The following BMAL1 variants were observed in gnomAD, a reference collection of about 807,000 sequenced individuals.
BMAL1 encodes the protein basic helix-loop-helix ARNT like 1.
At chr11:13,351,246 T>G in the BMAL1 span, among the ~76,000 whole-genome samples, 5 of 152,170 alleles carry the variant, frequency 3.3e-5, no homozygotes, top group Non-Finnish European at 7.4e-5. Flanking sequence ...CATTTGCTGT[T>G]TTTGGAATGT....
chr11:13,346,382 G>A, the BMAL1 span, among the ~76,000 whole-genome samples: 1 of 152,200 alleles, frequency 6.6e-6, no homozygotes, highest in African/African-American at 2.4e-5. Flanking sequence ...AGGGAAAGGA[G>A]AGAGTCACTT....
At chr11:13,348,859 A>G in the BMAL1 span, among the ~76,000 whole-genome samples, 2 of 152,182 alleles carry the variant, frequency 1.3e-5, no homozygotes, top group African/African-American at 2.4e-5. Context: ...AGATCTCTAT[A>G]GCGATCGAGG....
the BMAL1 span, among the ~76,000 whole-genome samples, chr11:13,298,848 C>G: frequency 6.6e-6 from 1 of 152,162 alleles, no homozygotes; most frequent in South Asian, 2.1e-4. Flanking sequence ...CTCTGTGTTC[C>G]CCTTCATTTT....
At chr11:13,355,302 T>C in the BMAL1 span, 3 of 1,613,736 alleles carry the variant, frequency 1.9e-6, no homozygotes, top group Non-Finnish European at 2.5e-6. Flanking sequence ...AATATGTAAG[T>C]TATCCCAGAT....
the BMAL1 span, among the ~76,000 whole-genome samples, chr11:13,345,932 A>G: frequency 6.6e-6 from 1 of 152,138 alleles, no homozygotes; most frequent in South Asian, 2.1e-4. Flanking sequence ...TAGGGGACCA[A>G]CCATCCCGGT....
chr11:13,307,961 C>T, the BMAL1 span, among the ~76,000 whole-genome samples: 1 of 152,066 alleles, frequency 6.6e-6, no homozygotes, highest in South Asian at 2.1e-4. Context: ...CACCAGATTT[C>T]CTCCTCTGTT....
chr11:13,342,153 G>T, the BMAL1 span, among the ~76,000 whole-genome samples: 5 of 152,350 alleles, frequency 3.3e-5, no homozygotes, highest in East Asian at 9.6e-4. Flanking sequence ...CATCTCTGGG[G>T]TCTAGGCTGG....
chr11:13,297,750 C>T, the BMAL1 span, among the ~76,000 whole-genome samples: 2 of 152,232 alleles, frequency 1.3e-5, no homozygotes, highest in East Asian at 1.9e-4. Flanking sequence ...GCTTTCCATC[C>T]TAGCTGAGTG....
chr11:13,350,800 A>G, the BMAL1 span, among the ~76,000 whole-genome samples: 1 of 152,242 alleles, frequency 6.6e-6, no homozygotes, highest in Non-Finnish European at 1.5e-5. Flanking sequence ...TGGGTAAGAA[A>G]AGACTTAAAA....
chr11:13,339,179 T>G, the BMAL1 span, among the ~76,000 whole-genome samples: 1 of 152,210 alleles, frequency 6.6e-6, no homozygotes, highest in Non-Finnish European at 1.5e-5. Flanking sequence ...ACCCATTGGC[T>G]TTTCCTTTAG....
chr11:13,321,303 A>G, the BMAL1 span, among the ~76,000 whole-genome samples: 1 of 152,222 alleles, frequency 6.6e-6, no homozygotes, highest in Admixed American at 6.5e-5. Flanking sequence ...CAAACTACCA[A>G]CCATTTGATG....
At chr11:13,341,231 C>T in the BMAL1 span, among the ~76,000 whole-genome samples, 1 of 152,188 alleles carries the variant, frequency 6.6e-6, no homozygotes, top group East Asian at 1.9e-4. Context: ...CCTGGCCTTG[C>T]CAGGAGGCTC....
At chr11:13,321,258 T>C in the BMAL1 span, among the ~76,000 whole-genome samples, 1 of 152,124 alleles carries the variant, frequency 6.6e-6, no homozygotes, top group Non-Finnish European at 1.5e-5. Flanking sequence ...TTTTCTACGG[T>C]AGATATAAGT....
chr11:13,289,527 CT>C, the BMAL1 span, among the ~76,000 whole-genome samples: 1 of 152,182 alleles, frequency 6.6e-6, no homozygotes, highest in African/African-American at 2.4e-5. Context: ...TGCTATCCCT[CT>C]CCCAGCCCCC....
the BMAL1 span, among the ~76,000 whole-genome samples, chr11:13,345,702 G>A: frequency 6.6e-6 from 1 of 152,150 alleles, no homozygotes; most frequent in Non-Finnish European, 1.5e-5. Context: ...AGTAAGATAA[G>A]TTGCCTCTTC....
chr11:13,281,487 T>C, the BMAL1 span, among the ~76,000 whole-genome samples: 2 of 152,210 alleles, frequency 1.3e-5, no homozygotes, highest in African/African-American at 4.8e-5. Flanking sequence ...CCCATCCTTA[T>C]TCCTGAGTGG....
the BMAL1 span, chr11:13,358,393 G>T: frequency 6.8e-7 from 1 of 1,465,970 alleles, no homozygotes; most frequent in Non-Finnish European, 9.1e-7. Flanking sequence ...TTGATGCTTG[G>T]TTACATTTTA....
At chr11:13,317,557 G>A in the BMAL1 span, among the ~76,000 whole-genome samples, 1 of 152,122 alleles carries the variant, frequency 6.6e-6, no homozygotes, top group African/African-American at 2.4e-5. Context: ...AGTTCTTAGA[G>A]GTTCATTGAC....
At chr11:13,382,782 T>G in the BMAL1 span, among the ~76,000 whole-genome samples, 1 of 152,110 alleles carries the variant, frequency 6.6e-6, no homozygotes, top group Admixed American at 6.6e-5. Context: ...TTCACAACAT[T>G]ATAGTGACAA....
Sources: gnomAD v4.1 joint callset for allele counts (sites outside exome capture counted in the v4.1 genomes callset) on GRCh38, gnomAD v4.1.1 for gene constraint, MANE v1.5 for transcripts, NCBI Gene and HGNC (gene_info 2026-07-23, HGNC 2026-07-21) for gene names.